Variants in BPNT2 observed in about 807,000 individuals in gnomAD.
BPNT2 encodes the protein Golgi-resident adenosine 3',5'-bisphosphate 3'-phosphatase.
A neutral mutation model predicts 29.3 loss-of-function variants in BPNT2; 11 were observed. That is an observed-to-expected ratio of 0.38 (90% CI 0.24 to 0.62). The LOEUF (loss-of-function observed/expected upper bound fraction) is 0.62, where lower values mean the gene tolerates loss of function less well. Among genes scored for constraint, BPNT2 ranks in the 20% least tolerant of loss-of-function variants. The probability of loss-of-function intolerance (pLI) is 0.62; values close to 1 mark genes in which losing one functional copy is unlikely to be tolerated. For synonymous variants in BPNT2, 195 were observed against 187.7 expected, an observed-to-expected ratio of 1.04 and a Z score of -0.32; for missense variants, 459 against 473.4, an observed-to-expected ratio of 0.97 and a Z score of 0.28.
intron 1 of BPNT2, among the ~76,000 whole-genome samples, chr8:56,980,819 T>TACACACACACACACACACAC (rs71258552): frequency 4.2e-5 from 6 of 141,510 alleles, no homozygotes; most frequent in Admixed American, 3.6e-4. Context: ...TACATACATA[T>TACACACACACACACACACAC]ACACACACAC....
intron 3 of BPNT2, among the ~76,000 whole-genome samples, 162 bp from the exon 4 acceptor site, chr8:56,966,514 A>C (rs1315091064): frequency 2.0e-5 from 3 of 152,326 alleles, no homozygotes; most frequent in East Asian, 3.9e-4. Flanking sequence ...TTCAGAGTAC[A>C]AAAGTAGTAT....
Position 56,978,085 on chromosome 8 carries a change from A to G in BPNT2, c.611T>C (p.Leu204Pro). The G allele has an allele frequency of 6.2e-7, 1 of 1,611,642 alleles. No individual in the cohort carries two copies. Among genetic ancestry groups the G allele is most frequent in the Non-Finnish European group, 8.5e-7 (1 of 1,177,982 alleles). The change falls in exon 3 of 5, where the codon CTA (leucine) becomes CCA (proline). Residue 204 changes from leucine to proline, a missense_variant. Physicochemically the swap from Leu to Pro is moderately conservative, Grantham distance 98. Transcript: ENST00000262644. ...GGAAAATGGCTTATGTATAACTCCTAGCATGGGTTTACCATTTACAGCCAC... is the reference window on the plus strand; with the variant it reads ...GGAAAATGGCTTATGTATAACTCCTGGCATGGGTTTACCATTTACAGCCAC... ...VCVAVNGKPM[L>P]GVIHKPFSEY...
intron 3 of BPNT2, among the ~76,000 whole-genome samples, chr8:56,977,222 T>C (rs1379636962): frequency 1.3e-5 from 2 of 152,152 alleles, no homozygotes; most frequent in Non-Finnish European, 2.9e-5. Context: ...CTTGGTGGCT[T>C]ATAAAAATAT....
chr8:56,985,561 C>T (rs1026905240), intron 1 of BPNT2, among the ~76,000 whole-genome samples: 5 of 152,152 alleles, frequency 3.3e-5, no homozygotes, highest in Non-Finnish European at 7.3e-5. Flanking sequence ...GAAGGGTAAG[C>T]ATAAAAAGGT....
intron 3 of BPNT2, among the ~76,000 whole-genome samples, chr8:56,967,663 G>A (rs1040907960): frequency 1.3e-5 from 2 of 152,096 alleles, no homozygotes; most frequent in East Asian, 3.9e-4. Context: ...GGAGATACGG[G>A]ACCAGAATTG....
chr8:56,986,013 G>A (rs988538676), intron 1 of BPNT2, among the ~76,000 whole-genome samples: 2 of 152,174 alleles, frequency 1.3e-5, no homozygotes, highest in Non-Finnish European at 2.9e-5. Context: ...ACATCAACTA[G>A]GTCACAGTCA....
intron 3 of BPNT2, among the ~76,000 whole-genome samples, chr8:56,975,987 T>C (rs950696510): frequency 1.3e-5 from 2 of 152,184 alleles, no homozygotes; most frequent in African/African-American, 4.8e-5. Flanking sequence ...TTTCCCTGTT[T>C]TCCTTCAATG....
At chr8:56,973,282 G>T (rs1351808772) in intron 3 of BPNT2, among the ~76,000 whole-genome samples, 1 of 151,896 alleles carries the variant, frequency 6.6e-6, no homozygotes, top group Admixed American at 6.6e-5. Flanking sequence ...CTCTAATCCA[G>T]CCTCTAGAGC....
chr8:56,988,960 A>G (rs1806369037), intron 1 of BPNT2, among the ~76,000 whole-genome samples: 1 of 152,182 alleles, frequency 6.6e-6, no homozygotes, highest in Admixed American at 6.5e-5. Flanking sequence ...TTCAAAAGAT[A>G]TAAGCTCTCA....
intron 1 of BPNT2, among the ~76,000 whole-genome samples, chr8:56,986,183 G>C (rs765964287): frequency 5.9e-5 from 9 of 152,136 alleles, no homozygotes; most frequent in Non-Finnish European, 1.2e-4. Flanking sequence ...AAATTCACAC[G>C]TGTGAATCAA....
At chr8:56,980,819 T>TACAC (rs71258552) in intron 1 of BPNT2, among the ~76,000 whole-genome samples, 2,489 of 141,486 alleles carry the variant, frequency 0.018, 61 homozygotes, top group African/African-American at 0.056. Flanking sequence ...TACATACATA[T>TACAC]ACACACACAC....
At chr8:56,986,453 T>C (rs959219037) in intron 1 of BPNT2, among the ~76,000 whole-genome samples, 1 of 152,318 alleles carries the variant, frequency 6.6e-6, no homozygotes, top group South Asian at 2.1e-4. Flanking sequence ...TTAATCTATA[T>C]GCTAAACAAT....
intron 2 of BPNT2, among the ~76,000 whole-genome samples, chr8:56,979,239 C>T (rs1448164163): frequency 6.6e-6 from 1 of 152,080 alleles, no homozygotes; most frequent in Non-Finnish European, 1.5e-5. Context: ...AAGCACTCAT[C>T]TTTAGGTATA....
At chr8:56,964,282 C>G (rs1411778706) in intron 4 of BPNT2, 12 of 454,114 alleles carry the variant, frequency 2.6e-5, no homozygotes, top group East Asian at 1.9e-4. Flanking sequence ...TGCAAAGTAA[C>G]TTATTGTTTA....
intron 1 of BPNT2, among the ~76,000 whole-genome samples, chr8:56,988,595 A>T (rs1009453243): frequency 1.3e-5 from 2 of 152,188 alleles, no homozygotes; most frequent in African/African-American, 2.4e-5. Context: ...AGGCCCTGAT[A>T]TTCCCCTTTC....
In BPNT2 at chr8:56,966,221, G is replaced by A. The variant is rs1195420304; in HGVS notation, c.778C>T (p.Gln260Ter). The A allele has an allele frequency of 6.2e-7, 1 of 1,614,034 alleles. No individual in the cohort carries two copies. Among genetic ancestry groups the A allele is most frequent in the African/African-American group, 1.3e-5 (1 of 74,888 alleles). ...KQVALQTFGN[Q>*]TTIIPAGGAG... ...CCACCAGCTGGGATAATTGTAGTCT[G>A]GTTTCCAAAAGTCTGAAGAGCGACC... is the stretch of plus-strand genomic sequence containing the variant. Residue 260 changes from glutamine (Q) to a stop codon, truncating the protein, a stop_gained, in exon 4 of 5, where the codon CAG becomes TAG. Coordinates refer to ENST00000262644, the MANE Select transcript of BPNT2 (RefSeq NM_017813.5). LOFTEE classifies it high-confidence loss of function.
rs1805855350 is a variant in BPNT2, at chr8:56,962,571, TACGGTAAC to T, written c.*1214_*1221del. The T allele has an allele frequency of 6.6e-6, 1 of 152,150 alleles. No homozygotes were observed. 9.4% of individuals were successfully genotyped at this position (152,150 alleles called of 1,614,324 possible). ...ACAGTTCACAAAGCAAGGTTCTAGT[TACGGTAAC>T]ACAATGAATATGTCACAACTTTTTT... On this transcript the variant is annotated 3_prime_UTR_variant, in exon 5 of 5. Coordinates refer to ENST00000262644, the MANE Select transcript of BPNT2 (RefSeq NM_017813.5).
intron 1 of BPNT2, among the ~76,000 whole-genome samples, chr8:56,982,783 C>T (rs1806266385): frequency 6.6e-6 from 1 of 151,942 alleles, no homozygotes; most frequent in Admixed American, 6.6e-5. Flanking sequence ...GAAAGGGTGG[C>T]TAGGCAATTA....
intron 3 of BPNT2, among the ~76,000 whole-genome samples, chr8:56,971,050 C>CTGGTA (rs1806022401): frequency 1.3e-5 from 2 of 151,948 alleles, no homozygotes; most frequent in Admixed American, 1.3e-4. Flanking sequence ...TACATACTAC[C>CTGGTA]AGAATAATGT....
Sources: allele counts gnomAD v4.1 joint callset (sites outside exome capture counted in the v4.1 genomes callset), GRCh38; gene constraint gnomAD v4.1.1; transcripts MANE v1.5; gene names NCBI Gene and HGNC (gene_info 2026-07-23, HGNC 2026-07-21).